APBA2: variants seen among roughly 807,000 people sequenced by gnomAD.
APBA2 encodes the protein amyloid beta precursor protein binding family A member 2.
Under a neutral mutation model 75.0 loss-of-function variants are expected in APBA2, and 30 were observed. The observed-to-expected ratio is 0.40, with a 90% CI of 0.30 to 0.54. The LOEUF (loss-of-function observed/expected upper bound fraction) is 0.54. APBA2 is among the 20% of genes least tolerant of loss of function. The probability of loss-of-function intolerance (pLI) is 0.49; values close to 1 mark genes in which losing one functional copy is unlikely to be tolerated. For synonymous variants in APBA2, 444 were observed against 409.6 expected, an observed-to-expected ratio of 1.08 and a Z score of -1.01; for missense variants, 801 against 1,016.1, an observed-to-expected ratio of 0.79 and a Z score of 2.88.
intron 3 of APBA2, among the ~76,000 whole-genome samples, chr15:28,996,231 C>T (rs971221100): frequency 2.0e-5 from 3 of 152,172 alleles, no homozygotes; most frequent in South Asian, 2.1e-4. Context: ...AGGTAGCACT[C>T]GAACCTTTCA....
In APBA2 at chr15:29,094,274, T is replaced by C; in HGVS notation, c.1216-4T>C. ...TGTTTTTCTTTTCTCTTCCATGCTG[T>C]CAGAGGATGCAAAAGGCTGCTAAGA... On this transcript the variant is annotated splice_region_variant and splice_polypyrimidine_tract_variant and intron_variant, in intron 7 of 14. Coordinates refer to ENST00000683413, the MANE Select transcript of APBA2 (RefSeq NM_001353788.2). 6.2e-7 allele frequency: 1 copy of C among 1,614,222 alleles called. No individual in the cohort carries two copies. The highest frequency in any genetic ancestry group is 8.5e-7 in the Non-Finnish European group (1 of 1,180,016).
At chr15:29,102,012 GT>G in intron 10 of APBA2, 1 of 600,196 alleles carries the variant, frequency 1.7e-6, no homozygotes, top group Non-Finnish European at 3.0e-6. Context: ...TATAAATTGA[GT>G]TGTGGTTAAA....
Position 29,054,190 on chromosome 15 carries a change from C to G in APBA2, c.306C>G (p.Arg102=). ...EEEEGITYYI[R]YCPEDDSYLE... is the part of the protein sequence containing the mutation. ...AGGAGGGCATCACCTACTACATCCG[C>G]TACTGCCCTGAGGACGACAGCTACC... Residue 102 remains arginine, a synonymous_variant, in exon 4 of 15, where the codon CGC becomes CGG. Coordinates refer to ENST00000683413, the MANE Select transcript of APBA2 (RefSeq NM_001353788.2). This position sits in a 1 kb window ranked among gnomAD's most constrained non-coding sequence, Gnocchi z 6.1. 1 of 1,614,220 alleles carries G rather than the reference C, an allele frequency of 6.2e-7. No homozygotes were observed. Among genetic ancestry groups the G allele is most frequent in the Non-Finnish European group, 8.5e-7 (1 of 1,180,038 alleles).
chr15:29,106,562 C>G (rs778517321), intron 11 of APBA2, 45 bp from the exon 12 acceptor site: 1 of 1,606,776 alleles, frequency 6.2e-7, no homozygotes, highest in Non-Finnish European at 8.5e-7. Flanking sequence ...GCAGAGGCCT[C>G]GGTCCTTGCC....
chr15:28,926,842 A>ACT (rs200294232), intron 2 of APBA2, among the ~76,000 whole-genome samples: 17 of 140,802 alleles, frequency 1.2e-4, no homozygotes, highest in South Asian at 8.9e-4. Context: ...ATTTCACTCC[A>ACT]CTCTCTCTCT....
chr15:29,063,541 G>A (rs1324518938), intron 4 of APBA2, among the ~76,000 whole-genome samples: 57 of 134,014 alleles, frequency 4.3e-4, no homozygotes, highest in African/African-American at 1.6e-3. Context: ...TGGGTGGTGC[G>A]GGGAGTTGAT....
intron 14 of APBA2, among the ~76,000 whole-genome samples, chr15:29,114,544 C>A (rs922843351): frequency 6.6e-6 from 1 of 151,738 alleles, no homozygotes; most frequent in African/African-American, 2.4e-5. Context: ...GCACATACAC[C>A]GGGGGAGGCC....
At chr15:29,030,726 A>AGTGTGT (rs1441045434) in intron 3 of APBA2, among the ~76,000 whole-genome samples, 1 of 123,782 alleles carries the variant, frequency 8.1e-6, no homozygotes, top group African/African-American at 3.9e-5. Flanking sequence ...AACCCATGTG[A>AGTGTGT]GTATGTGTGT....
chr15:28,941,028 A>AT (rs1167440301), intron 2 of APBA2, among the ~76,000 whole-genome samples: 7 of 152,288 alleles, frequency 4.6e-5, no homozygotes, highest in Admixed American at 3.3e-4. Context: ...GTTTAAGTCC[A>AT]TGAGTTTTTT....
At chr15:29,013,830 C>T (rs2039524469) in intron 3 of APBA2, among the ~76,000 whole-genome samples, 1 of 152,128 alleles carries the variant, frequency 6.6e-6, no homozygotes, top group African/African-American at 2.4e-5. Flanking sequence ...ATTAAGCCTC[C>T]CTATATGGTT....
At chr15:29,006,975 A>T (rs1337395002) in intron 3 of APBA2, among the ~76,000 whole-genome samples, 3 of 152,198 alleles carry the variant, frequency 2.0e-5, no homozygotes, top group Admixed American at 2.0e-4. Flanking sequence ...AAGAAGGACA[A>T]AGTTGGCGAT....
chr15:29,105,663 T>C (rs2044366658), intron 11 of APBA2, 105 bp downstream of exon 11: 2 of 1,296,634 alleles, frequency 1.5e-6, no homozygotes, highest in Admixed American at 3.7e-5. Context: ...ACCCTTGCCT[T>C]CCTATCAGAC....
Position 29,083,292 on chromosome 15 carries a change from C to T in APBA2, c.1069+7201C>T, listed in dbSNP as rs567869117. Among the ~76,000 whole-genome samples the T allele has an allele frequency of 1.2e-4, 18 of 152,236 alleles. No individual in the cohort carries two copies. In the East Asian group the frequency reaches 3.5e-3, roughly 29 times the overall value. On this transcript the variant is annotated intron_variant, in intron 6 of 14. Coordinates refer to ENST00000683413, the MANE Select transcript of APBA2 (RefSeq NM_001353788.2). ...AATGCTGCCTTTACCGTACCCAAAT[C>T]GTCATGTGGGTCTCGGTCTGTTTCT...
At chr15:28,943,899 C>T (rs1275691127) in intron 2 of APBA2, among the ~76,000 whole-genome samples, 1 of 152,154 alleles carries the variant, frequency 6.6e-6, no homozygotes, top group Non-Finnish European at 1.5e-5. Flanking sequence ...CCCAGAGGGC[C>T]CCCTTTGTCC....
chr15:28,956,621 C>T (rs1235918465), intron 2 of APBA2, among the ~76,000 whole-genome samples: 8 of 126,598 alleles, frequency 6.3e-5, no homozygotes, highest in African/African-American at 1.2e-4. Flanking sequence ...AGAGCTCAGT[C>T]GCATTAAGTA....
chr15:29,013,273 C>CTTTTT (rs560518234), intron 3 of APBA2, among the ~76,000 whole-genome samples: 35 of 85,840 alleles, frequency 4.1e-4, no homozygotes, highest in South Asian at 1.3e-3. Context: ...ATGAGTCATT[C>CTTTTT]TTTTTTTTTT....
intron 6 of APBA2, among the ~76,000 whole-genome samples, chr15:29,088,150 G>T (rs952361171): frequency 2.6e-5 from 4 of 152,108 alleles, no homozygotes; most frequent in Non-Finnish European, 4.4e-5. Context: ...AATACACGAG[G>T]TCTCCTTGTA....
intron 2 of APBA2, among the ~76,000 whole-genome samples, chr15:28,980,285 C>G (rs1460195746): frequency 6.6e-6 from 1 of 152,120 alleles, no homozygotes; most frequent in Non-Finnish European, 1.5e-5. Context: ...AGAAAAGAAG[C>G]CAAACTGTCT....
rs549804494 is a variant in APBA2 at position 29,047,784 on chromosome 15, C to CT, written c.-40-6060dup. Among the ~76,000 whole-genome samples, 45 of 152,252 alleles carry CT rather than the reference C, an allele frequency of 3.0e-4. No individual in the cohort carries two copies. In the Middle Eastern group the frequency reaches 0.01, roughly 35 times the overall value. On this transcript the variant is annotated intron_variant, in intron 3 of 14. Coordinates refer to ENST00000683413, the MANE Select transcript of APBA2 (RefSeq NM_001353788.2). The stretch of plus-strand genomic sequence containing the variant: ...CTAGAAAAACATTATCAACTAAAAA[C>CT]TATTAGGATTTAAAAATAGCTTAGT...
Sources: allele counts gnomAD v4.1 joint callset (sites outside exome capture counted in the v4.1 genomes callset), GRCh38; gene constraint gnomAD v4.1.1; non-coding constraint Gnocchi (gnomAD v3.1); transcripts MANE v1.5; gene names NCBI Gene and HGNC (gene_info 2026-07-23, HGNC 2026-07-21).